Variants in ATAD2B observed in about 807,000 individuals in gnomAD.
The protein encoded by ATAD2B is ATPase family AAA domain containing 2B, also known as ATPase family AAA domain-containing protein 2B.
Under a neutral mutation model 167.6 loss-of-function variants are expected in ATAD2B, and 40 were observed. That is an observed-to-expected ratio of 0.24 (90% CI 0.19 to 0.31). The LOEUF is 0.31. Among genes scored for constraint, ATAD2B ranks in the 10% least tolerant of loss-of-function variants. The probability of loss-of-function intolerance (pLI) is 1.00; values close to 1 mark genes in which losing one functional copy is unlikely to be tolerated. For missense variants in ATAD2B, 1,242 were observed against 1,757.2 expected (o/e 0.71, Z 5.24); for synonymous variants, 579 against 596.5 (o/e 0.97, Z 0.43).
chr2:23,888,026 C>T, intron 3 of ATAD2B, 41 bp from the exon 4 acceptor site: 1 of 1,389,360 alleles, frequency 7.2e-7, no homozygotes, highest in Non-Finnish European at 9.4e-7. Context: ...GTACAGAATA[C>T]AGAAAGACAG....
chr2:23,843,808 C>A (rs1417464607), intron 13 of ATAD2B, among the ~76,000 whole-genome samples: 2 of 152,170 alleles, frequency 1.3e-5, no homozygotes, highest in Non-Finnish European at 2.9e-5. Flanking sequence ...CCAGTTCCCA[C>A]CCACCGAACT....
rs1172079690 is a variant in ATAD2B, at chr2:23,921,228, AAAC to A, written c.216+5324_216+5326del. Among the ~76,000 whole-genome samples the A allele has an allele frequency of 3.4e-3, 496 of 146,290 alleles. 10 individuals are homozygous for A. Among genetic ancestry groups the A allele is most frequent in the Middle Eastern group, 0.018 (5 of 278 alleles). On this transcript the variant is annotated intron_variant, in intron 1 of 27. Coordinates refer to ENST00000238789, the MANE Select transcript of ATAD2B (RefSeq NM_017552.4). ...CTCAAAAAAAAAAAAAAAAAAAAAA[AAAC>A]AACCCAAAGAAATCCACTCAAGTTG...
At chr2:23,890,424 C>G (rs1199556178) in intron 2 of ATAD2B, among the ~76,000 whole-genome samples, 1 of 152,086 alleles carries the variant, frequency 6.6e-6, no homozygotes, top group African/African-American at 2.4e-5. Context: ...ACATGATTCT[C>G]CAGGTATATG....
At chr2:23,921,805 T>C (rs1487566531) in intron 1 of ATAD2B, among the ~76,000 whole-genome samples, 1 of 152,200 alleles carries the variant, frequency 6.6e-6, no homozygotes, top group Non-Finnish European at 1.5e-5. Flanking sequence ...ACCTATATTG[T>C]ACTCCATGTA....
intron 17 of ATAD2B, among the ~76,000 whole-genome samples, chr2:23,811,925 A>T (rs1384783681): frequency 6.6e-6 from 1 of 152,086 alleles, no homozygotes; most frequent in Non-Finnish European, 1.5e-5. Context: ...ACTAACTGTT[A>T]CTACCCTGAC....
intron 10 of ATAD2B, chr2:23,866,094 T>A: frequency 1.3e-5 from 3 of 233,338 alleles, no homozygotes; most frequent in Non-Finnish European, 2.1e-5. Flanking sequence ...AATTTTCTTG[T>A]ATTTGGTATC....
rs183776001 is a variant in ATAD2B, at chr2:23,815,997, A to G, written c.2267+3750T>C. ...CTATTTTGTTCACTGACCTACCCCA[A>G]CTACCCAGGACAATGTCTGGAACAT... On this transcript the variant is annotated intron_variant, in intron 17 of 27. Coordinates refer to ENST00000238789, the MANE Select transcript of ATAD2B (RefSeq NM_017552.4). Among the ~76,000 whole-genome samples the G allele has an allele frequency of 3.9e-4, 60 of 152,308 alleles. No individual in the cohort carries two copies. In the East Asian group the frequency reaches 0.011, roughly 28 times the overall value.
intron 8 of ATAD2B, chr2:23,872,356 T>C (rs945076549): frequency 1.6e-6 from 1 of 626,502 alleles, no homozygotes; most frequent in Non-Finnish European, 3.0e-6. Context: ...GTCAAATTCA[T>C]AGACAATGGG....
At chr2:23,851,809 T>C (rs1692615724) in intron 13 of ATAD2B, among the ~76,000 whole-genome samples, 1 of 151,336 alleles carries the variant, frequency 6.6e-6, no homozygotes, top group African/African-American at 2.4e-5. Flanking sequence ...AGAAAAAAGG[T>C]AGTATAAAAT....
chr2:23,822,836 G>A (rs532799906), intron 16 of ATAD2B, among the ~76,000 whole-genome samples: 2 of 140,994 alleles, frequency 1.4e-5, no homozygotes, highest in Admixed American at 7.8e-5. Flanking sequence ...GAGAATCGCT[G>A]TACCCGGGAG....
chr2:23,916,975 G>A (rs1283618946), intron 1 of ATAD2B, among the ~76,000 whole-genome samples: 1 of 152,198 alleles, frequency 6.6e-6, no homozygotes, highest in African/African-American at 2.4e-5. Context: ...TTCTCCACCT[G>A]CTTTCACCCC....
chr2:23,839,372 T>C (rs988613040), intron 13 of ATAD2B, among the ~76,000 whole-genome samples: 9 of 152,156 alleles, frequency 5.9e-5, no homozygotes, highest in Non-Finnish European at 1.5e-5. Flanking sequence ...AGTCTGTTTG[T>C]TGTAAGTTTT....
intron 8 of ATAD2B, among the ~76,000 whole-genome samples, chr2:23,870,148 A>C (rs1350179775): frequency 1.3e-5 from 2 of 151,326 alleles, no homozygotes; most frequent in Non-Finnish European, 2.9e-5. Context: ...CGGAGGTTGC[A>C]GTGAGCTGAG....
intron 22 of ATAD2B, among the ~76,000 whole-genome samples, chr2:23,775,472 A>T (rs1678959920): frequency 6.6e-6 from 1 of 152,134 alleles, no homozygotes; most frequent in Non-Finnish European, 1.5e-5. Flanking sequence ...TTGGCCTCTC[A>T]AAGTGCTAGG....
chr2:23,834,458 G>A (rs529390625), intron 13 of ATAD2B, among the ~76,000 whole-genome samples: 9 of 151,878 alleles, frequency 5.9e-5, no homozygotes, highest in African/African-American at 1.7e-4. Flanking sequence ...CATGGTACCC[G>A]GCTTATCAGT....
At chr2:23,878,466 G>A (rs1349679261) in intron 7 of ATAD2B, among the ~76,000 whole-genome samples, 2 of 151,390 alleles carry the variant, frequency 1.3e-5, no homozygotes, top group African/African-American at 4.9e-5. Context: ...AGACCATCCT[G>A]GCTAACACGA....
the ATAD2B span, among the ~76,000 whole-genome samples, chr2:23,731,997 C>A: frequency 2.9e-5 from 4 of 137,976 alleles, no homozygotes; most frequent in African/African-American, 7.8e-5. Context: ...AAAAAAAAAA[C>A]TCTTAATGAG....
intron 8 of ATAD2B, chr2:23,872,600 C>G (rs1487927865): frequency 7.7e-7 from 1 of 1,293,582 alleles, no homozygotes; most frequent in African/African-American, 1.5e-5. Flanking sequence ...GCGATCCTTA[C>G]TAATGTTGCT....
chr2:23,826,023 ATAAG>A (rs1393914389), intron 15 of ATAD2B, among the ~76,000 whole-genome samples: 3 of 152,182 alleles, frequency 2.0e-5, no homozygotes, highest in African/African-American at 7.2e-5. Flanking sequence ...ACATTCGCTT[ATAAG>A]TAAGAATTAC....
Sources: gnomAD v4.1 joint callset for allele counts (sites outside exome capture counted in the v4.1 genomes callset) on GRCh38, gnomAD v4.1.1 for gene constraint, MANE v1.5 for transcripts, NCBI Gene and HGNC (gene_info 2026-07-23, HGNC 2026-07-21) for gene names.